Variants in TRAP1 observed in about 807,000 individuals in gnomAD.
TRAP1 encodes TNF receptor associated protein 1.
In TRAP1, 102 loss-of-function variants were observed where a neutral mutation model predicts 89.1. That is an observed-to-expected ratio of 1.15 (90% CI 0.98 to 1.35). The LOEUF is 1.35. Ranked by LOEUF, TRAP1 falls within the 40% of genes most tolerant of loss-of-function variation. The probability of loss-of-function intolerance (pLI) is 0.00; values close to 1 mark genes in which losing one functional copy is unlikely to be tolerated. For synonymous variants in TRAP1, 508 were observed against 388.0 expected, an observed-to-expected ratio of 1.31 and a Z score of -3.64; for missense variants, 1,256 against 945.3, an observed-to-expected ratio of 1.33 and a Z score of -4.31.
chr16:3,685,679 G>C (rs1365195045), intron 4 of TRAP1, among the ~76,000 whole-genome samples: 1 of 152,160 alleles, frequency 6.6e-6, no homozygotes, highest in Non-Finnish European at 1.5e-5. Context: ...TATGAAAAGA[G>C]TACATTAAAA....
At chr16:3,714,535 T>C (rs1389072329) in intron 1 of TRAP1, among the ~76,000 whole-genome samples, 1 of 152,170 alleles carries the variant, frequency 6.6e-6, no homozygotes, top group Non-Finnish European at 1.5e-5. Context: ...GGCATGCGCC[T>C]GTAGTCCCAG....
intron 1 of TRAP1, among the ~76,000 whole-genome samples, chr16:3,696,286 C>T (rs756193931): frequency 3.3e-5 from 5 of 152,100 alleles, no homozygotes; most frequent in African/African-American, 7.2e-5. Flanking sequence ...TGCAGAAGGA[C>T]GAGAAAGGAC....
intron 10 of TRAP1, 148 bp downstream of exon 10, chr16:3,672,552 A>T (rs1284882188): frequency 2.3e-6 from 3 of 1,308,206 alleles, no homozygotes; most frequent in Non-Finnish European, 3.1e-6. Flanking sequence ...CGGGGTCTGT[A>T]AACGCGACTG....
rs61756351 is a variant in TRAP1, at chr16:3,666,024, A to T, written c.1330T>A (p.Tyr444Asn). 7.2e-3 allele frequency: 11,643 copies of T among 1,614,194 alleles called. 62 individuals carry two copies. The highest frequency in any genetic ancestry group is 9.0e-3 in the Non-Finnish European group (10,576 of 1,180,022). The change falls in exon 12 of 18, where the codon TAC (tyrosine) becomes AAC (asparagine). Residue 444 changes from tyrosine to asparagine, a missense_variant. Tyr to Asn is a moderately radical substitution (Grantham distance 143). Transcript: ENST00000246957. ...AEKYAKFFEDYGLFMREGIVT... is the reference protein window; with the variant it reads ...AEKYAKFFEDNGLFMREGIVT... ...ATGCCCTCCCGCATGAACAGGCCGTAATCTTCAAAAAACTTTGCATACTTC... is the reference window on the plus strand; with the variant it reads ...ATGCCCTCCCGCATGAACAGGCCGTTATCTTCAAAAAACTTTGCATACTTC...
chr16:3,672,844 T>A (rs767613912), intron 9 of TRAP1, 24 bp from the exon 10 acceptor site: 1 of 1,606,946 alleles, frequency 6.2e-7, no homozygotes, highest in Admixed American at 1.7e-5. Context: ...GAACACGCCA[T>A]CATGCAGCAC....
In TRAP1 at chr16:3,709,939, C is replaced by T. The variant is rs562238555; in HGVS notation, c.88+7482G>A. Among the ~76,000 whole-genome samples, 44 of 152,294 alleles carry T rather than the reference C, an allele frequency of 2.9e-4. No individual in the cohort carries two copies. The South Asian group carries it at 4.8e-3, about 17-fold the overall frequency. ...TGCTGGGATTACAGGCGTGAGCCAC[C>T]GCGCCTGGCGAGAAGATTCTTAAGT... On this transcript the variant is annotated intron_variant, in intron 1 of 17. Transcript: ENST00000246957.
chr16:3,678,966 G>A (rs982590046), intron 5 of TRAP1, among the ~76,000 whole-genome samples: 8 of 152,182 alleles, frequency 5.3e-5, no homozygotes, highest in Admixed American at 2.0e-4. Context: ...CTCACACAGC[G>A]CCGTGATGAG....
chr16:3,665,446 A>C (rs543884342), intron 12 of TRAP1: 1 of 154,206 alleles, frequency 6.5e-6, no homozygotes. Context: ...TATCTCAATA[A>C]AAAATGGACA....
At chr16:3,709,029 A>C (rs1339155015) in intron 1 of TRAP1, among the ~76,000 whole-genome samples, 1 of 151,664 alleles carries the variant, frequency 6.6e-6, no homozygotes, top group African/African-American at 2.4e-5. Flanking sequence ...GTTAGCCAGG[A>C]TGGTCTCGAT....
rs368310700 is a variant in TRAP1 at position 3,701,891 on chromosome 16, T to G, written c.89-10906A>C. ...TTTGGTTAATCAAACCATATTTATT[T>G]ATTCAAAACAGATATTAAATTATTA... On this transcript the variant is annotated intron_variant, in intron 1 of 17. Transcript: ENST00000246957. Among the ~76,000 whole-genome samples, 9 of 152,320 alleles carry G rather than the reference T, an allele frequency of 5.9e-5. No homozygotes were observed. In the East Asian group the frequency reaches 1.5e-3, roughly 26 times the overall value.
At chr16:3,694,982 C>T (rs1157642241) in intron 1 of TRAP1, among the ~76,000 whole-genome samples, 6 of 152,320 alleles carry the variant, frequency 3.9e-5, no homozygotes, top group Admixed American at 2.0e-4. Flanking sequence ...CAGCCTCTGG[C>T]GTTGCTTGGC....
At chr16:3,664,665 G>T in intron 12 of TRAP1, 1 of 568,624 alleles carries the variant, frequency 1.8e-6, no homozygotes, top group Non-Finnish European at 3.0e-6. Context: ...TGGGGGCTTA[G>T]GAAGCACCTC....
chr16:3,664,218 C>T (rs934527928), intron 13 of TRAP1, 56 bp downstream of exon 13: 1 of 1,475,116 alleles, frequency 6.8e-7, no homozygotes, highest in Non-Finnish European at 9.0e-7. Context: ...CTGAGAAGGT[C>T]AAGACCCTCC....
chr16:3,706,172 TCA>T (rs2051442428), intron 1 of TRAP1, among the ~76,000 whole-genome samples: 1 of 152,108 alleles, frequency 6.6e-6, no homozygotes, highest in South Asian at 2.1e-4. Flanking sequence ...CAGGCTAGTC[TCA>T]AACTCCTGAC....
chr16:3,675,099 G>A (rs1567230664), intron 8 of TRAP1, among the ~76,000 whole-genome samples: 1 of 152,154 alleles, frequency 6.6e-6, no homozygotes, highest in African/African-American at 2.4e-5. Context: ...TGGGCGTTAC[G>A]CCTCAGTGAA....
chr16:3,672,133 C>T (rs1422333556), intron 10 of TRAP1, among the ~76,000 whole-genome samples: 7 of 152,084 alleles, frequency 4.6e-5, no homozygotes, highest in African/African-American at 9.7e-5. Context: ...GTCAGGAGTT[C>T]GAGACCAGCC....
In TRAP1 at chr16:3,685,031, A is replaced by C. The variant is rs182860802; in HGVS notation, c.471+965T>G. On this transcript the variant is annotated intron_variant, in intron 4 of 17. Coordinates refer to ENST00000246957, the MANE Select transcript of TRAP1 (RefSeq NM_016292.3). ...CACATGAGGACTGGCCCCTCTGCTA[A>C]AGACCAAGAATCATGTCCCCATGAC... Among the ~76,000 whole-genome samples, 45 of 152,312 alleles carry C rather than the reference A, an allele frequency of 3.0e-4. No homozygotes were observed. In the East Asian group the frequency reaches 8.7e-3, roughly 29 times the overall value.
chr16:3,666,443 T>TA (rs2050831770), intron 11 of TRAP1, among the ~76,000 whole-genome samples: 1 of 152,016 alleles, frequency 6.6e-6, no homozygotes, highest in Non-Finnish European at 1.5e-5. Context: ...TTAGGAAACA[T>TA]GTGAGCACAC....
intron 12 of TRAP1, 131 bp from the exon 13 acceptor site, chr16:3,664,590 T>G (rs539345448): frequency 2.1e-6 from 2 of 969,294 alleles, no homozygotes; most frequent in African/African-American, 1.7e-5. Flanking sequence ...CGAGGGACGG[T>G]AGTGGACTCG....
Sources: gnomAD v4.1 joint callset for allele counts (sites outside exome capture counted in the v4.1 genomes callset) on GRCh38, gnomAD v4.1.1 for gene constraint, MANE v1.5 for transcripts, NCBI Gene and HGNC (gene_info 2026-07-23, HGNC 2026-07-21) for gene names.